ABHD3: variants seen among roughly 807,000 people sequenced by gnomAD.
ABHD3 encodes phospholipase ABHD3.
Under a neutral mutation model 48.8 loss-of-function variants are expected in ABHD3, and 46 were observed. The ratio of observed to expected loss-of-function variants is 0.94; its 90% CI spans 0.74 to 1.20. The LOEUF is 1.20. Among genes scored for constraint, ABHD3 ranks in the 50% most tolerant of loss-of-function variants. The pLI, the probability that ABHD3 is intolerant of heterozygous loss-of-function variation, is 0.00. For synonymous variants in ABHD3, 192 were observed against 183.7 expected, an observed-to-expected ratio of 1.04 and a Z score of -0.36; for missense variants, 490 against 497.8, an observed-to-expected ratio of 0.98 and a Z score of 0.15.
intron 3 of ABHD3, among the ~76,000 whole-genome samples, chr18:21,690,480 T>C (rs2146326845): frequency 6.6e-6 from 1 of 151,730 alleles, no homozygotes; most frequent in East Asian, 2.0e-4. Context: ...CAGGTGCCTG[T>C]AATCCCAGGT....
chr18:21,661,262 G>A (rs752630449), intron 5 of ABHD3, among the ~76,000 whole-genome samples: 3 of 152,154 alleles, frequency 2.0e-5, no homozygotes, highest in Non-Finnish European at 2.9e-5. Flanking sequence ...ACTGAATACT[G>A]TATGATAGTT....
chr18:21,689,628 C>T (rs2040203187), intron 3 of ABHD3, among the ~76,000 whole-genome samples: 1 of 129,720 alleles, frequency 7.7e-6, no homozygotes, highest in Non-Finnish European at 1.6e-5. Context: ...TTTGGGGCAA[C>T]AATAGAAGTT....
chr18:21,687,496 C>A (rs1032055150), intron 3 of ABHD3, among the ~76,000 whole-genome samples: 1 of 152,204 alleles, frequency 6.6e-6, no homozygotes, highest in Non-Finnish European at 1.5e-5. Flanking sequence ...CAGGCGTGAG[C>A]CACCACACCC....
intron 4 of ABHD3, among the ~76,000 whole-genome samples, chr18:21,678,909 T>C (rs2039947745): frequency 1.3e-5 from 2 of 152,168 alleles, no homozygotes; most frequent in South Asian, 4.1e-4. Context: ...TAATTGGAAA[T>C]GAGGACAGAA....
chr18:21,696,334 A>G (rs1014065940), intron 3 of ABHD3, among the ~76,000 whole-genome samples: 33 of 152,156 alleles, frequency 2.2e-4, no homozygotes, highest in African/African-American at 7.7e-4. Flanking sequence ...TATTTTTAGT[A>G]GAGACAGGGT....
chr18:21,704,171 G>A (rs1330795632), intron 1 of ABHD3, among the ~76,000 whole-genome samples: 1 of 152,242 alleles, frequency 6.6e-6, no homozygotes, highest in East Asian at 1.9e-4. Context: ...ACAGGCGTGA[G>A]CCACCGTGCC....
intron 1 of ABHD3, among the ~76,000 whole-genome samples, chr18:21,704,037 G>A (rs1477781757): frequency 2.6e-5 from 4 of 152,178 alleles, no homozygotes; most frequent in African/African-American, 7.2e-5. Context: ...GATTGCAGGC[G>A]TCCGCCACCA....
chr18:21,668,679 G>A (rs555722051), intron 4 of ABHD3, among the ~76,000 whole-genome samples: 1 of 152,194 alleles, frequency 6.6e-6, no homozygotes, highest in Non-Finnish European at 1.5e-5. Flanking sequence ...GGTTCCATGA[G>A]GTATACAGTG....
chr18:21,695,380 A>G (rs1201164256), intron 3 of ABHD3, among the ~76,000 whole-genome samples: 1 of 152,168 alleles, frequency 6.6e-6, no homozygotes, highest in Middle Eastern at 3.2e-3. Flanking sequence ...CCAATGTGAT[A>G]CAAGCAAAAG....
intron 5 of ABHD3, chr18:21,663,722 A>G (rs1050494131): frequency 8.5e-6 from 13 of 1,535,538 alleles, no homozygotes; most frequent in African/African-American, 1.4e-5. Context: ...GGAGAGAGCA[A>G]TAAGTGATTA....
chr18:21,689,205 G>A (rs748735006), intron 3 of ABHD3, among the ~76,000 whole-genome samples: 1 of 152,064 alleles, frequency 6.6e-6, no homozygotes, highest in African/African-American at 2.4e-5. Flanking sequence ...TTACCTGAGG[G>A]AAGGCAGTAG....
intron 5 of ABHD3, chr18:21,663,847 A>G: frequency 6.6e-7 from 1 of 1,511,558 alleles, no homozygotes; most frequent in African/African-American, 1.4e-5. Context: ...CCGGTGAGTG[A>G]TGCAATCGAC....
chr18:21,697,362 C>A (rs889225959), intron 3 of ABHD3, among the ~76,000 whole-genome samples: 2 of 151,726 alleles, frequency 1.3e-5, no homozygotes, highest in Non-Finnish European at 2.9e-5. Context: ...CGTGAGCTAC[C>A]GTGCCCAGCC....
In ABHD3 at chr18:21,700,827, C is replaced by CAAAAAAAAA. The variant is rs375239917; in HGVS notation, c.509+1480_509+1488dup. ...TTTCTGAGCATGACTAAGTTTTAGC[C>CAAAAAAAAA]AAAAAAAAAAAAAAAAAAAAAATGG... is the stretch of plus-strand genomic sequence containing the variant. On this transcript the variant is annotated intron_variant, in intron 3 of 8. Transcript: ENST00000289119. 1.6e-3 allele frequency among the ~76,000 whole-genome samples: 147 copies of CAAAAAAAAA among 94,358 alleles called. 3 individuals are homozygous for CAAAAAAAAA. The highest frequency in any genetic ancestry group is 5.0e-3 in the African/African-American group (142 of 28,654). 61.9% of individuals were successfully genotyped at this position (94,358 alleles called of 152,430 possible). A position where few individuals can be genotyped will look rare whatever the true frequency, so the allele number is the denominator to read the frequency against.
At chr18:21,669,896 G>GT (rs534712592) in intron 4 of ABHD3, among the ~76,000 whole-genome samples, 64 of 152,248 alleles carry the variant, frequency 4.2e-4, no homozygotes, top group African/African-American at 1.5e-3. Flanking sequence ...AAGCAAGGAT[G>GT]TGAGTGCCAG....
intron 4 of ABHD3, among the ~76,000 whole-genome samples, chr18:21,668,172 C>T (rs1191094352): frequency 6.5e-5 from 8 of 123,904 alleles, no homozygotes; most frequent in Admixed American, 2.0e-4. Flanking sequence ...CTGCACTCCA[C>T]CCTGGGCAAC....
At chr18:21,653,708 G>A (rs79484380) in intron 8 of ABHD3, among the ~76,000 whole-genome samples, 7 of 147,052 alleles carry the variant, frequency 4.8e-5, no homozygotes, top group East Asian at 2.0e-4. Context: ...GCAGCATAGC[G>A]AGACTGACCG....
chr18:21,692,892 G>A (rs951112148), intron 3 of ABHD3, among the ~76,000 whole-genome samples: 6 of 152,184 alleles, frequency 3.9e-5, no homozygotes, highest in African/African-American at 1.4e-4. Context: ...TATAGTGCTT[G>A]TAAGTAACAG....
intron 4 of ABHD3, among the ~76,000 whole-genome samples, chr18:21,669,930 AG>A (rs2146298830): frequency 6.6e-6 from 1 of 152,216 alleles, no homozygotes; most frequent in South Asian, 2.1e-4. Context: ...AGGCGACACC[AG>A]GAAGCACCCG....
Sources: allele counts gnomAD v4.1 joint callset (sites outside exome capture counted in the v4.1 genomes callset), GRCh38; gene constraint gnomAD v4.1.1; transcripts MANE v1.5; gene names NCBI Gene and HGNC (gene_info 2026-07-23, HGNC 2026-07-21).